Variants in STPG2 observed in about 807,000 individuals in gnomAD.
STPG2 encodes sperm-tail PG-rich repeat-containing protein 2.
STPG2 carries 56 observed loss-of-function variants against 54.2 expected under a neutral mutation model. The observed-to-expected ratio is 1.03, with a 90% CI of 0.83 to 1.29. The LOEUF (loss-of-function observed/expected upper bound fraction) is 1.29. Among genes scored for constraint, STPG2 ranks in the 50% most tolerant of loss-of-function variants. STPG2 has a pLI of 0.00. For missense variants in STPG2, 596 were observed against 544.9 expected (o/e 1.09, Z -0.93); for synonymous variants, 200 against 181.8 (o/e 1.10, Z -0.81).
At chr4:97,701,299 A>C (rs909185509) in intron 10 of STPG2, among the ~76,000 whole-genome samples, 1 of 152,094 alleles carries the variant, frequency 6.6e-6, no homozygotes, top group African/African-American at 2.4e-5. Context: ...CACTGGACCC[A>C]CTGTAAGTCA....
At chr4:97,932,366 T>A (rs962767478) in intron 8 of STPG2, among the ~76,000 whole-genome samples, 2 of 152,144 alleles carry the variant, frequency 1.3e-5, no homozygotes, top group African/African-American at 2.4e-5. Context: ...AATTTTTTTT[T>A]AATTTTATTT....
intron 8 of STPG2, among the ~76,000 whole-genome samples, chr4:97,937,651 T>C (rs1045547932): frequency 1.3e-5 from 2 of 152,170 alleles, no homozygotes; most frequent in Non-Finnish European, 2.9e-5. Flanking sequence ...GTAGGGCTGC[T>C]GTGGTTTGCT....
intron 10 of STPG2, among the ~76,000 whole-genome samples, chr4:97,675,080 C>T (rs544575782): frequency 1.5e-4 from 23 of 152,118 alleles, no homozygotes; most frequent in African/African-American, 4.8e-4. Context: ...CTCGACTGAC[C>T]GCATCCTCTA....
intron 9 of STPG2, among the ~76,000 whole-genome samples, chr4:97,824,233 C>G (rs1251391699): frequency 6.6e-6 from 1 of 152,090 alleles, no homozygotes; most frequent in East Asian, 1.9e-4. Flanking sequence ...TCTCTGGCCT[C>G]CCTGAGCTCC....
chr4:97,671,972 A>G (rs1722710345), intron 10 of STPG2, among the ~76,000 whole-genome samples: 1 of 152,084 alleles, frequency 6.6e-6, no homozygotes, highest in Admixed American at 6.6e-5. Context: ...TGCTGCTGGT[A>G]CTACTACTAT....
chr4:97,782,065 T>A (rs1726645846), intron 9 of STPG2, among the ~76,000 whole-genome samples: 1 of 152,214 alleles, frequency 6.6e-6, no homozygotes, highest in African/African-American at 2.4e-5. Flanking sequence ...CAGCATAGTG[T>A]TGGAAGTTCT....
intron 10 of STPG2, among the ~76,000 whole-genome samples, chr4:97,574,629 G>A (rs1732678687): frequency 1.3e-5 from 2 of 151,992 alleles, no homozygotes; most frequent in Non-Finnish European, 2.9e-5. Flanking sequence ...ACATCAGAGA[G>A]TAACCGTCCC....
intron 8 of STPG2, among the ~76,000 whole-genome samples, chr4:97,892,105 C>A (rs1001446588): frequency 6.6e-6 from 1 of 152,114 alleles, no homozygotes; most frequent in South Asian, 2.1e-4. Context: ...TTATCACACC[C>A]TATTATAATC....
At chr4:97,862,042 A>G (rs1343652239) in intron 8 of STPG2, among the ~76,000 whole-genome samples, 2 of 152,152 alleles carry the variant, frequency 1.3e-5, no homozygotes, top group Non-Finnish European at 1.5e-5. Flanking sequence ...AGCTAACATC[A>G]TAATGACAGA....
intron 2 of STPG2, among the ~76,000 whole-genome samples, chr4:98,133,161 G>A (rs553159107): frequency 1.3e-5 from 2 of 152,024 alleles, no homozygotes; most frequent in Admixed American, 1.3e-4. Context: ...GAATCTTCCA[G>A]GGCTCTCCAT....
chr4:97,630,155 A>C (rs1025533707), intron 10 of STPG2, among the ~76,000 whole-genome samples: 1 of 151,928 alleles, frequency 6.6e-6, no homozygotes, highest in Non-Finnish European at 1.5e-5. Flanking sequence ...CAAAATGATG[A>C]TGCAGTAGGA....
chr4:97,478,643 T>G (rs1730137733), intron 4 of STPG2, among the ~76,000 whole-genome samples: 1 of 152,036 alleles, frequency 6.6e-6, no homozygotes, highest in South Asian at 2.1e-4. Flanking sequence ...TAGTTATAGT[T>G]TAGTTTTAAT....
intron 10 of STPG2, among the ~76,000 whole-genome samples, chr4:97,614,027 C>T (rs1260692951): frequency 6.6e-6 from 1 of 151,924 alleles, no homozygotes; most frequent in African/African-American, 2.4e-5. Flanking sequence ...ACATCAATGA[C>T]AATTAGTTCA....
intron 8 of STPG2, among the ~76,000 whole-genome samples, chr4:97,857,069 T>A (rs936336230): frequency 1.3e-5 from 2 of 152,184 alleles, no homozygotes; most frequent in Admixed American, 6.6e-5. Context: ...CAGTATTTTA[T>A]TAAGGATTTT....
intron 10 of STPG2, among the ~76,000 whole-genome samples, chr4:97,678,219 C>T (rs1244689952): frequency 1.3e-5 from 2 of 151,836 alleles, no homozygotes; most frequent in East Asian, 3.9e-4. Flanking sequence ...TTCAGTTTTC[C>T]ATTTGGGATC....
At chr4:98,142,026 C>T (rs1486710503) in intron 1 of STPG2, among the ~76,000 whole-genome samples, 2 of 149,896 alleles carry the variant, frequency 1.3e-5, no homozygotes, top group African/African-American at 4.9e-5. Flanking sequence ...TCAGTTATGT[C>T]AAAATTAAGG....
At chr4:98,090,174 T>C (rs923144260) in intron 5 of STPG2, among the ~76,000 whole-genome samples, 4 of 152,152 alleles carry the variant, frequency 2.6e-5, no homozygotes, top group African/African-American at 7.2e-5. Context: ...AGAATTTTTA[T>C]GGTTTCAGGT....
At chr4:97,733,275 A>G (rs1399786958) in intron 9 of STPG2, among the ~76,000 whole-genome samples, 1 of 152,150 alleles carries the variant, frequency 6.6e-6, no homozygotes, top group Admixed American at 6.6e-5. Flanking sequence ...GGAATGAAAT[A>G]ATGTCTTTTG....
intron 5 of STPG2, among the ~76,000 whole-genome samples, chr4:98,097,079 T>A (rs1341704227): frequency 6.6e-6 from 1 of 151,912 alleles, no homozygotes; most frequent in African/African-American, 2.4e-5. Flanking sequence ...CTCAAACTAT[T>A]CCAAAAAATA....
Sources: gnomAD v4.1 joint callset for allele counts (sites outside exome capture counted in the v4.1 genomes callset) on GRCh38, gnomAD v4.1.1 for gene constraint, MANE v1.5 for transcripts, NCBI Gene and HGNC (gene_info 2026-07-23, HGNC 2026-07-21) for gene names.